Variants in RPS17 observed in about 807,000 individuals in gnomAD.
RPS17 encodes ribosomal protein S17.
For missense variants in RPS17, 68 were observed against 182.3 expected (o/e 0.37, Z 3.61); for synonymous variants, 75 against 65.6 (o/e 1.14, Z -0.70).
At chr15:82,539,868 AG>A in intron 2 of RPS17, 112 bp downstream of exon 2, 1 of 1,531,150 alleles carries the variant, frequency 6.5e-7, no homozygotes, top group Admixed American at 1.7e-5. Flanking sequence ...CCGGGACACC[AG>A]GGAGTCTCAG....
intron 3 of RPS17, chr15:82,538,587 T>C: frequency 2.9e-6 from 2 of 679,660 alleles, no homozygotes; most frequent in Non-Finnish European, 5.3e-6. Flanking sequence ...TCAGAACACT[T>C]GAAGTCTGTG....
intron 4 of RPS17, chr15:82,538,089 G>A: frequency 1.6e-6 from 1 of 613,858 alleles, no homozygotes; most frequent in Non-Finnish European, 3.1e-6. Context: ...AGGTGTCCTG[G>A]AAGCCACTAG....
At chr15:82,537,799 C>T (rs2034266624) in intron 4 of RPS17, 1 of 446,820 alleles carries the variant, frequency 2.2e-6, no homozygotes, top group Non-Finnish European at 4.5e-6. Context: ...TTCAAAATCA[C>T]CAACCGCCCA....
At chr15:82,537,410 C>A in intron 4 of RPS17, 1 of 266,088 alleles carries the variant, frequency 3.8e-6, no homozygotes, top group South Asian at 4.4e-5. Flanking sequence ...CAGGACCAGC[C>A]CTGGGTAAGA....
At chr15:82,537,165 A>C in intron 4 of RPS17, 1 of 517,132 alleles carries the variant, frequency 1.9e-6, no homozygotes, top group Non-Finnish European at 3.5e-6. Flanking sequence ...CCTATCAATC[A>C]CTCTAAAACA....
intron 4 of RPS17, chr15:82,537,790 T>A (rs1033357808): frequency 1.8e-5 from 8 of 443,202 alleles, no homozygotes; most frequent in Non-Finnish European, 3.2e-5. Context: ...ATGAAGTTGT[T>A]CAAAATCACC....
At position 82,539,247 on chromosome 15, in the gene RPS17, G is replaced by A. The variant is rs1300731095; in HGVS notation, c.156-262C>T. On this transcript the variant is annotated intron_variant, in intron 2 of 4. Coordinates refer to ENST00000647841, the MANE Select transcript of RPS17 (RefSeq NM_001021.6). ...CCAACTCGCCCCGCCCCGCCCCGCA[G>A]TTTCACGACCCTTCACAGCCTTCAT... 7 of 627,096 alleles carry A rather than the reference G, an allele frequency of 1.1e-5. No individual in the cohort carries two copies. The African/African-American group carries it at 1.3e-4, about 11-fold the overall frequency. 38.8% of individuals were successfully genotyped at this position (627,096 alleles called of 1,614,324 possible). A position where few individuals can be genotyped will look rare whatever the true frequency, so the allele number is the denominator to read the frequency against.
chr15:82,537,192 G>T, intron 4 of RPS17: 1 of 472,320 alleles, frequency 2.1e-6, no homozygotes, highest in Non-Finnish European at 3.9e-6. Context: ...CTCAATCTTG[G>T]CAACGTAGAC....
At chr15:82,536,990 G>T in intron 4 of RPS17, 109 bp from the exon 5 acceptor site, 1 of 1,333,954 alleles carries the variant, frequency 7.5e-7, no homozygotes, top group Non-Finnish European at 1.1e-6. Flanking sequence ...GGGGTCCAGA[G>T]GCGACCTGAA....
chr15:82,538,804 G>T, intron 3 of RPS17, 76 bp downstream of exon 3: 1 of 1,467,314 alleles, frequency 6.8e-7, no homozygotes, highest in East Asian at 2.3e-5. Flanking sequence ...TTCAGCTGAG[G>T]TCCCTTTGGA....
chr15:82,537,042 T>G (rs1277244136), intron 4 of RPS17, 161 bp from the exon 5 acceptor site: 3 of 742,898 alleles, frequency 4.0e-6, no homozygotes, highest in Non-Finnish European at 7.3e-6. Flanking sequence ...GCCTCCCACT[T>G]TTCCAGAGTG....
chr15:82,537,006 C>G (rs2034251096), intron 4 of RPS17, 125 bp from the exon 5 acceptor site: 2 of 1,026,410 alleles, frequency 1.9e-6, no homozygotes, highest in Admixed American at 1.8e-5. Context: ...CTGAAGGACC[C>G]TTTAAGAGCC....
chr15:82,536,830 T>C lies in RPS17; in HGVS notation c.379A>G (p.Asn127Asp). 6.2e-7 allele frequency: 1 copy of C among 1,613,944 alleles called. No homozygotes were observed. The highest frequency in any genetic ancestry group is 8.5e-7 in the Non-Finnish European group (1 of 1,179,858). Residue 127 changes from asparagine (N) to aspartate (D), a missense_variant, in exon 5 of 5, where the codon AAT becomes GAT. Physicochemically the swap from Asn to Asp is conservative, Grantham distance 23. Coordinates refer to ENST00000647841, the MANE Select transcript of RPS17 (RefSeq NM_001021.6). ...ACAGGTCCCCGAGGCGTTTTGAAAT[T>C]CATCCCAACTGTAGGCTGAGTGACC... ...LQVTQPTVGM[N>D]FKTPRGPV
chr15:82,540,446 A>T lies in RPS17; in HGVS notation c.-18T>A. Reference sequence around the variant, plus strand: ...CCTACCATGTTGGCGGGTCCTTGGTAAAAGAGGAAACAGGAAGCACAGGCG... The same window carrying T: ...CCTACCATGTTGGCGGGTCCTTGGTTAAAGAGGAAACAGGAAGCACAGGCG... On this transcript the variant is annotated 5_prime_UTR_variant, in exon 1 of 5. Coordinates refer to ENST00000647841, the MANE Select transcript of RPS17 (RefSeq NM_001021.6). The T allele has an allele frequency of 6.3e-7, 1 of 1,591,520 alleles. No individual in the cohort carries two copies. The highest frequency in any genetic ancestry group is 1.3e-5 in the African/African-American group (1 of 74,898).
chr15:82,538,076 A>T, intron 4 of RPS17: 1 of 589,356 alleles, frequency 1.7e-6, no homozygotes, highest in Non-Finnish European at 3.3e-6. Flanking sequence ...GCCAAGAGAG[A>T]AAAGGTGTCC....
intron 2 of RPS17, chr15:82,539,679 A>C: frequency 2.1e-6 from 1 of 474,854 alleles, no homozygotes; most frequent in Non-Finnish European, 3.8e-6. Flanking sequence ...CCAGGGCAAG[A>C]TTCCGTCTCA....
Position 82,540,003 on chromosome 15 carries a change from T to G in RPS17, c.133A>C (p.Lys45Gln), listed in dbSNP as rs1444963393. The change falls in exon 2 of 5, where the codon AAG becomes CAG. Residue 45 changes from lysine (K) to glutamine (Q), a missense_variant. Coordinates refer to ENST00000647841, the MANE Select transcript of RPS17 (RefSeq NM_001021.6). ...CEEIAIIPSK[K>Q]LRNKIAGYVT... ...CACCCTGCTATCTTGTTGCGGAGCTTTTTGCTGGGGATAATGGCGATCTCC... is the reference window on the plus strand; with the variant it reads ...CACCCTGCTATCTTGTTGCGGAGCTGTTTGCTGGGGATAATGGCGATCTCC... 6.2e-7 allele frequency: 1 copy of G among 1,611,936 alleles called. No homozygotes were observed. The highest frequency in any genetic ancestry group is 8.5e-7 in the Non-Finnish European group (1 of 1,179,858).
At chr15:82,538,413 A>G in intron 3 of RPS17, 42 bp from the exon 4 acceptor site, 1 of 1,601,764 alleles carries the variant, frequency 6.2e-7, no homozygotes, top group African/African-American at 1.3e-5. Flanking sequence ...AATCAATGAG[A>G]TTATCACTCA....
chr15:82,540,229 C>T (rs1417773681), intron 1 of RPS17, 97 bp from the exon 2 acceptor site: 1 of 1,610,032 alleles, frequency 6.2e-7, no homozygotes, highest in Admixed American at 1.7e-5. Context: ...GGACCGCCGG[C>T]TGCGCTGAGC....
Sources: allele counts gnomAD v4.1 joint callset, GRCh38; gene constraint gnomAD v4.1.1; transcripts MANE v1.5; gene names NCBI Gene and HGNC (gene_info 2026-07-23, HGNC 2026-07-21).